PACRG: variants seen among roughly 807,000 people sequenced by gnomAD.
PACRG encodes the protein parkin coregulated gene protein.
Under a neutral mutation model 29.7 loss-of-function variants are expected in PACRG, and 29 were observed. That is an observed-to-expected ratio of 0.98 (90% CI 0.73 to 1.33). The LOEUF (loss-of-function observed/expected upper bound fraction) is 1.33. Ranked by LOEUF, PACRG falls within the 40% of genes most tolerant of loss-of-function variation. The pLI is 0.00. For missense variants in PACRG, 279 were observed against 316.2 expected (o/e 0.88, Z 0.89); for synonymous variants, 116 against 118.7 (o/e 0.98, Z 0.15).
chr6:163,043,231 A>T (rs1020840653), intron 2 of PACRG: 5 of 152,212 alleles, frequency 3.3e-5, no homozygotes, highest in African/African-American at 7.2e-5. Flanking sequence ...GCATACAAAA[A>T]GAATTTTTTT....
intron 4 of PACRG, among the ~76,000 whole-genome samples, chr6:163,309,520 C>A (rs1225617350): frequency 1.3e-5 from 2 of 152,220 alleles, no homozygotes; most frequent in African/African-American, 4.8e-5. Context: ...CTGAGCCTGG[C>A]AAGTTGCATC....
At chr6:163,151,546 T>C (rs1205494546) in intron 4 of PACRG, among the ~76,000 whole-genome samples, 1 of 152,218 alleles carries the variant, frequency 6.6e-6, no homozygotes, top group African/African-American at 2.4e-5. Flanking sequence ...CTGTGCTATG[T>C]TGTATGGAAT....
chr6:163,068,903 C>T (rs1052429156), intron 3 of PACRG, among the ~76,000 whole-genome samples: 3 of 151,862 alleles, frequency 2.0e-5, no homozygotes, highest in Admixed American at 6.6e-5. Flanking sequence ...TTAGCAGTTT[C>T]TTTTTGGCTT....
intron 2 of PACRG, among the ~76,000 whole-genome samples, chr6:162,848,855 C>T (rs563996982): frequency 6.6e-6 from 1 of 152,300 alleles, no homozygotes; most frequent in Admixed American, 6.5e-5. Context: ...TTCTGAATTT[C>T]AGTGATTTGG....
At chr6:162,754,196 T>C (rs1408274914) in intron 1 of PACRG, among the ~76,000 whole-genome samples, 1 of 152,228 alleles carries the variant, frequency 6.6e-6, no homozygotes, top group Non-Finnish European at 1.5e-5. Flanking sequence ...TGTAAGGTGA[T>C]ATCTTTTTGT....
chr6:163,003,784 T>G (rs891892513), intron 2 of PACRG, among the ~76,000 whole-genome samples: 1 of 152,208 alleles, frequency 6.6e-6, no homozygotes, highest in African/African-American at 2.4e-5. Flanking sequence ...GGTTAGGGGA[T>G]TTAAATACAT....
chr6:162,961,941 A>G (rs2128145285), intron 2 of PACRG, among the ~76,000 whole-genome samples: 2 of 152,314 alleles, frequency 1.3e-5, no homozygotes, highest in South Asian at 2.1e-4. Flanking sequence ...TCTCCTTAGT[A>G]AACGGTTAGT....
At chr6:163,212,580 G>T (rs1427141587) in intron 4 of PACRG, among the ~76,000 whole-genome samples, 1 of 152,092 alleles carries the variant, frequency 6.6e-6, no homozygotes, top group Non-Finnish European at 1.5e-5. Context: ...GGGACCCTTT[G>T]ACCTTCAAAA....
At chr6:162,947,464 A>G (rs1270993329) in intron 2 of PACRG, among the ~76,000 whole-genome samples, 1 of 23,244 alleles carries the variant, frequency 4.3e-5, no homozygotes, top group Non-Finnish European at 1.5e-4. Context: ...ATATATAATC[A>G]TATATAATAT....
At chr6:162,727,823 G>A, upstream of PACRG, 1 of 736,794 alleles carries the variant, frequency 1.4e-6, no homozygotes, top group Non-Finnish European at 2.2e-6. Context: ...GGAGGGCGCG[G>A]CCCAGGGCCT....
chr6:163,018,990 T>G (rs1806354962), intron 2 of PACRG, among the ~76,000 whole-genome samples: 1 of 152,204 alleles, frequency 6.6e-6, no homozygotes, highest in South Asian at 2.1e-4. Flanking sequence ...CCTTCCAATT[T>G]AGGCATCATT....
At chr6:162,959,242 G>A (rs1449876563) in intron 2 of PACRG, among the ~76,000 whole-genome samples, 2 of 152,010 alleles carry the variant, frequency 1.3e-5, no homozygotes, top group African/African-American at 2.4e-5. Flanking sequence ...TATAGCGGGT[G>A]TATTGGAAGA....
chr6:163,124,142 G>C (rs1373518838), intron 4 of PACRG, among the ~76,000 whole-genome samples: 15 of 152,134 alleles, frequency 9.9e-5, no homozygotes, highest in Admixed American at 9.2e-4. Context: ...TGTGTTTTTT[G>C]GGAGTTTTCA....
intron 2 of PACRG, among the ~76,000 whole-genome samples, chr6:163,045,500 AT>A (rs1809245820): frequency 6.7e-6 from 1 of 149,732 alleles, no homozygotes; most frequent in African/African-American, 2.5e-5. Flanking sequence ...AATTTTTTAT[AT>A]TTTTAGTAGA....
chr6:163,209,987 C>A (rs1467654832), intron 4 of PACRG, among the ~76,000 whole-genome samples: 1 of 152,194 alleles, frequency 6.6e-6, no homozygotes, highest in Non-Finnish European at 1.5e-5. Context: ...CCATGAACAT[C>A]AAACCACGCC....
intron 4 of PACRG, among the ~76,000 whole-genome samples, chr6:163,204,612 G>A (rs1454166885): frequency 1.3e-5 from 2 of 152,124 alleles, no homozygotes; most frequent in Admixed American, 1.3e-4. Flanking sequence ...AGAGCCCATG[G>A]TCAGAGCACC....
chr6:162,829,898 T>C (rs993914101), intron 2 of PACRG, among the ~76,000 whole-genome samples: 1 of 152,138 alleles, frequency 6.6e-6, no homozygotes, highest in Non-Finnish European at 1.5e-5. Context: ...TACTTTGGAC[T>C]TTAGATTATC....
intron 2 of PACRG, among the ~76,000 whole-genome samples, chr6:162,914,508 GTTTTT>G (rs3028611): frequency 4.4e-3 from 415 of 95,106 alleles, no homozygotes; most frequent in African/African-American, 8.2e-3. Context: ...GTACTTTTTT[GTTTTT>G]TTTTTTTTTT....
chr6:162,987,054 T>A (rs1802963292), intron 2 of PACRG, among the ~76,000 whole-genome samples: 1 of 152,194 alleles, frequency 6.6e-6, no homozygotes, highest in Non-Finnish European at 1.5e-5. Context: ...CATTAATTGC[T>A]GAAGAGTTAG....
Sources: allele counts gnomAD v4.1 joint callset (sites outside exome capture counted in the v4.1 genomes callset), GRCh38; gene constraint gnomAD v4.1.1; transcripts MANE v1.5; gene names NCBI Gene and HGNC (gene_info 2026-07-23, HGNC 2026-07-21).